The following XKR4 variants were observed in gnomAD, a reference collection of about 807,000 sequenced individuals.
The protein encoded by XKR4 is XK-related protein 4.
Under a neutral mutation model 53.9 loss-of-function variants are expected in XKR4, and 12 were observed. That is an observed-to-expected ratio of 0.22 (90% CI 0.14 to 0.36). The LOEUF is 0.36. Ranked by LOEUF, XKR4 falls within the 10% of genes least tolerant of loss-of-function variation. XKR4 has a pLI of 1.00. For synonymous variants in XKR4, 354 were observed against 362.4 expected, an observed-to-expected ratio of 0.98 and a Z score of 0.26; for missense variants, 799 against 859.5, an observed-to-expected ratio of 0.93 and a Z score of 0.88.
At chr8:55,450,755 C>A (rs1805426717) in intron 2 of XKR4, 5 of 576,484 alleles carry the variant, frequency 8.7e-6, no homozygotes, top group South Asian at 8.2e-5. Context: ...AGGTGGAACC[C>A]CTCCAGCGTT....
At chr8:55,393,565 G>T (rs979711701) in intron 2 of XKR4, among the ~76,000 whole-genome samples, 1 of 152,128 alleles carries the variant, frequency 6.6e-6, no homozygotes, top group African/African-American at 2.4e-5. Flanking sequence ...GCTTTTGTTT[G>T]GTTTGAAATC....
At chr8:55,312,132 G>C (rs962321449) in intron 1 of XKR4, among the ~76,000 whole-genome samples, 1 of 151,228 alleles carries the variant, frequency 6.6e-6, no homozygotes, top group Non-Finnish European at 1.5e-5. Flanking sequence ...ACCCTGTTCT[G>C]TGATTTTTAG....
chr8:55,163,261 C>G (rs933326136), intron 1 of XKR4, among the ~76,000 whole-genome samples: 2 of 152,176 alleles, frequency 1.3e-5, no homozygotes, highest in Non-Finnish European at 2.9e-5. Context: ...TTATTATTAG[C>G]TACTTGCTTT....
chr8:55,278,631 T>G (rs1818796724), intron 1 of XKR4, among the ~76,000 whole-genome samples: 2 of 152,162 alleles, frequency 1.3e-5, no homozygotes, highest in South Asian at 4.1e-4. Context: ...AGTTCATATT[T>G]GAATATTACA....
intron 2 of XKR4, among the ~76,000 whole-genome samples, chr8:55,408,354 G>C (rs1341525638): frequency 6.6e-6 from 1 of 152,170 alleles, no homozygotes; most frequent in African/African-American, 2.4e-5. Flanking sequence ...AGAACAAACA[G>C]GAAACAAAAG....
At chr8:55,501,065 G>A (rs145182624) in intron 2 of XKR4, among the ~76,000 whole-genome samples, 1 of 152,190 alleles carries the variant, frequency 6.6e-6, no homozygotes, top group African/African-American at 2.4e-5. Flanking sequence ...GAACAGACAG[G>A]TGTAATACTG....
chr8:55,382,353 A>G (rs1174939970), intron 2 of XKR4, among the ~76,000 whole-genome samples: 1 of 152,250 alleles, frequency 6.6e-6, no homozygotes, highest in African/African-American at 2.4e-5. Flanking sequence ...GCAGTTGTGC[A>G]TACATTCCAA....
intron 1 of XKR4, among the ~76,000 whole-genome samples, chr8:55,252,979 T>C (rs1818381332): frequency 1.3e-5 from 2 of 152,184 alleles, no homozygotes; most frequent in East Asian, 1.9e-4. Context: ...GGATGGAACA[T>C]AGGGAAGAAA....
intron 2 of XKR4, among the ~76,000 whole-genome samples, chr8:55,416,796 T>A (rs80180978): frequency 0.051 from 7,808 of 152,300 alleles, 296 homozygotes; most frequent in Middle Eastern, 0.12. Context: ...ACAGCGATTC[T>A]CTATGAATTT....
intron 2 of XKR4, chr8:55,450,128 GCT>G: frequency 1.4e-6 from 1 of 694,722 alleles, no homozygotes; most frequent in South Asian, 1.4e-5. Context: ...GGTCGGCTCA[GCT>G]CTGTCTCCAA....
chr8:55,273,850 C>G (rs1257396101), intron 1 of XKR4, among the ~76,000 whole-genome samples: 2 of 152,176 alleles, frequency 1.3e-5, no homozygotes, highest in Non-Finnish European at 2.9e-5. Context: ...ATTACTCTTT[C>G]TCTATAGCAA....
intron 2 of XKR4, among the ~76,000 whole-genome samples, chr8:55,448,491 T>A (rs969623912): frequency 3.3e-5 from 5 of 152,242 alleles, no homozygotes; most frequent in African/African-American, 9.6e-5. Flanking sequence ...TCTGCACATC[T>A]GCGTAATGTC....
intron 2 of XKR4, among the ~76,000 whole-genome samples, chr8:55,383,768 T>C (rs1804268649): frequency 6.6e-6 from 1 of 152,148 alleles, no homozygotes; most frequent in South Asian, 2.1e-4. Flanking sequence ...GTAGATCCTT[T>C]ATTATCCCAA....
At chr8:55,431,467 C>G (rs1318599317) in intron 2 of XKR4, among the ~76,000 whole-genome samples, 1 of 152,002 alleles carries the variant, frequency 6.6e-6, no homozygotes, top group Non-Finnish European at 1.5e-5. Context: ...GATCAATTAT[C>G]TTCACCTTCA....
At chr8:55,454,637 G>A in intron 2 of XKR4, 2 of 1,092,302 alleles carry the variant, frequency 1.8e-6, no homozygotes, top group South Asian at 2.6e-5. Flanking sequence ...CCAGCCAGGG[G>A]CACGGTGCAC....
At chr8:55,259,409 G>T (rs1818485290) in intron 1 of XKR4, among the ~76,000 whole-genome samples, 1 of 152,172 alleles carries the variant, frequency 6.6e-6, no homozygotes, top group Non-Finnish European at 1.5e-5. Flanking sequence ...AGTTGATTTC[G>T]TTCTCCTACC....
intron 1 of XKR4, among the ~76,000 whole-genome samples, chr8:55,238,595 C>T (rs1818166538): frequency 1.3e-5 from 2 of 152,064 alleles, no homozygotes; most frequent in African/African-American, 4.8e-5. Flanking sequence ...CATTTTTGCC[C>T]ACTTCCCTGT....
intron 1 of XKR4, among the ~76,000 whole-genome samples, chr8:55,352,375 T>C (rs1390892608): frequency 6.6e-6 from 1 of 152,220 alleles, no homozygotes; most frequent in East Asian, 1.9e-4. Flanking sequence ...GAATATGGGA[T>C]AGGGCATAGA....
chr8:55,440,085 C>T (rs1805242534), intron 2 of XKR4, among the ~76,000 whole-genome samples: 1 of 152,112 alleles, frequency 6.6e-6, no homozygotes, highest in Non-Finnish European at 1.5e-5. Flanking sequence ...AGAATAGTAT[C>T]TTCAAAGTGT....
Sources: allele counts gnomAD v4.1 joint callset (sites outside exome capture counted in the v4.1 genomes callset), GRCh38; gene constraint gnomAD v4.1.1; transcripts MANE v1.5; gene names NCBI Gene and HGNC (gene_info 2026-07-23, HGNC 2026-07-21).